The following SFRP1 variants were observed in gnomAD, a reference collection of about 807,000 sequenced individuals.
SFRP1 encodes the protein secreted frizzled related protein 1.
In SFRP1, 9 loss-of-function variants were observed where a neutral mutation model predicts 25.9. That is an observed-to-expected ratio of 0.35 (90% CI 0.21 to 0.61). The LOEUF (loss-of-function observed/expected upper bound fraction) is 0.61. SFRP1 is among the 20% of genes least tolerant of loss of function. SFRP1 has a pLI of 0.78. For missense variants in SFRP1, 346 were observed against 418.2 expected (o/e 0.83, Z 1.51); for synonymous variants, 178 against 174.0 (o/e 1.02, Z -0.18).
chr8:41,290,217 A>G (rs761914404), intron 2 of SFRP1, among the ~76,000 whole-genome samples: 5 of 152,230 alleles, frequency 3.3e-5, no homozygotes, highest in Admixed American at 1.3e-4. Context: ...ACAGACACCC[A>G]TATCTCGCAG....
chr8:41,275,976 G>T (rs1311284396), intron 2 of SFRP1, among the ~76,000 whole-genome samples: 1 of 152,158 alleles, frequency 6.6e-6, no homozygotes, highest in Non-Finnish European at 1.5e-5. Flanking sequence ...TCGAACTCCT[G>T]AGCTCAAGTG....
chr8:41,264,161 T>G lies in SFRP1; in HGVS notation c.*1006A>C, dbSNP rs1803406455. The G allele has an allele frequency of 6.6e-6, 1 of 152,214 alleles. No homozygotes were observed. The highest frequency in any genetic ancestry group is 1.5e-5 in the Non-Finnish European group (1 of 68,030). 9.4% of individuals were successfully genotyped at this position (152,214 alleles called of 1,614,324 possible). On this transcript the variant is annotated 3_prime_UTR_variant, in exon 3 of 3. Transcript: ENST00000220772. ...TAGCACACCTTTCAAATGCTCAATGTAGACTGTTTTAAAACCTTGAAAAAT... is the reference window on the plus strand; with the variant it reads ...TAGCACACCTTTCAAATGCTCAATGGAGACTGTTTTAAAACCTTGAAAAAT...
chr8:41,290,524 G>A (rs1379462310), intron 2 of SFRP1, among the ~76,000 whole-genome samples: 2 of 152,224 alleles, frequency 1.3e-5, no homozygotes, highest in Non-Finnish European at 2.9e-5. Flanking sequence ...GCTCTGCGGT[G>A]ACCTAAGTAT....
chr8:41,264,225 AGG>A lies in SFRP1; in HGVS notation c.*940_*941del, dbSNP rs1157525033. On this transcript the variant is annotated 3_prime_UTR_variant, in exon 3 of 3. Transcript: ENST00000220772. The stretch of plus-strand genomic sequence containing the variant: ...TCATTGTTCTTTTAAAAATGTGAAA[AGG>A]AAAAAACATGAGATTAGAATCCTAA... The A allele has an allele frequency of 4.6e-5, 7 of 152,352 alleles. No individual in the cohort carries two copies. Among genetic ancestry groups the A allele is most frequent in the African/African-American group, 1.4e-4 (6 of 41,584 alleles). 9.4% of individuals were successfully genotyped at this position (152,352 alleles called of 1,614,324 possible). A position where few individuals can be genotyped will look rare whatever the true frequency, so the allele number is the denominator to read the frequency against.
chr8:41,266,402 A>G (rs1029530184), intron 2 of SFRP1, among the ~76,000 whole-genome samples: 2 of 152,184 alleles, frequency 1.3e-5, no homozygotes, highest in Non-Finnish European at 2.9e-5. Context: ...TGATCTCATC[A>G]TTCAAAGACA....
chr8:41,285,580 A>C (rs1249206925), intron 2 of SFRP1, among the ~76,000 whole-genome samples: 1 of 152,226 alleles, frequency 6.6e-6, no homozygotes, highest in Non-Finnish European at 1.5e-5. Context: ...GTAAGGCAGG[A>C]AAGCCGGGAG....
chr8:41,299,030 A>C (rs1267542046), intron 2 of SFRP1, among the ~76,000 whole-genome samples: 1 of 152,170 alleles, frequency 6.6e-6, no homozygotes, highest in Non-Finnish European at 1.5e-5. Flanking sequence ...GACATGATGC[A>C]TAACACATAA....
intron 2 of SFRP1, among the ~76,000 whole-genome samples, chr8:41,298,950 T>C (rs896470014): frequency 6.6e-6 from 1 of 152,068 alleles, no homozygotes; most frequent in Non-Finnish European, 1.5e-5. Context: ...AAAATAAAGG[T>C]GAACTTGAGG....
At chr8:41,271,607 C>T (rs1803508643) in intron 2 of SFRP1, 1 of 153,070 alleles carries the variant, frequency 6.5e-6, no homozygotes, top group African/African-American at 2.4e-5. Context: ...AGGCATCCAC[C>T]AAGTGAAAGA....
At chr8:41,278,687 C>G (rs1011203317) in intron 2 of SFRP1, among the ~76,000 whole-genome samples, 6 of 152,228 alleles carry the variant, frequency 3.9e-5, no homozygotes, top group African/African-American at 1.4e-4. Flanking sequence ...AGCACAAGAG[C>G]ACCATCTTGG....
intron 1 of SFRP1, chr8:41,306,708 G>C (rs1181144127): frequency 5.0e-6 from 8 of 1,597,046 alleles, no homozygotes; most frequent in Non-Finnish European, 5.9e-6. Context: ...GACCTGTCTT[G>C]GGAGGGTGAC....
At chr8:41,299,644 T>A (rs1803890286) in intron 2 of SFRP1, among the ~76,000 whole-genome samples, 1 of 120,064 alleles carries the variant, frequency 8.3e-6, no homozygotes, top group Admixed American at 1.0e-4. Context: ...CCAGCCCAGG[T>A]AGAGCGAGAC....
intron 2 of SFRP1, among the ~76,000 whole-genome samples, chr8:41,279,923 T>C (rs11774662): frequency 0.3 from 45,062 of 152,176 alleles, 7,433 homozygotes; most frequent in Middle Eastern, 0.39. Flanking sequence ...TTTCTGACCC[T>C]ACCTATTTAT....
chr8:41,287,746 T>C (rs1585514341), intron 2 of SFRP1, among the ~76,000 whole-genome samples: 1 of 152,228 alleles, frequency 6.6e-6, no homozygotes, highest in East Asian at 1.9e-4. Context: ...CTGGCTTCAA[T>C]TTGGTATATC....
intron 2 of SFRP1, among the ~76,000 whole-genome samples, chr8:41,272,976 G>A (rs1469285967): frequency 1.3e-5 from 2 of 152,158 alleles, no homozygotes; most frequent in Admixed American, 6.5e-5. Context: ...CAGTTGCACT[G>A]GATTTATCAA....
chr8:41,267,516 C>T (rs1388524162), intron 2 of SFRP1, among the ~76,000 whole-genome samples: 2 of 152,104 alleles, frequency 1.3e-5, no homozygotes, highest in African/African-American at 2.4e-5. Context: ...AATTACCAAG[C>T]CCCCTCTTTT....
At chr8:41,303,415 C>T in intron 2 of SFRP1, 46 bp downstream of exon 2, 1 of 1,415,686 alleles carries the variant, frequency 7.1e-7, no homozygotes, top group African/African-American at 1.4e-5. Context: ...AGGCACAGAC[C>T]AGGAGGTTCC....
chr8:41,307,138 T>A, intron 1 of SFRP1: 1 of 790,886 alleles, frequency 1.3e-6, no homozygotes, highest in South Asian at 2.2e-5. Context: ...AGGGGATGGG[T>A]GCAAGCCAAC....
Position 41,265,243 on chromosome 8 carries a change from T to C in SFRP1, c.869A>G (p.Lys290Arg), listed in dbSNP as rs1386818382. 3 of 1,614,044 alleles carry C rather than the reference T, an allele frequency of 1.9e-6. No homozygotes were observed. Among genetic ancestry groups the C allele is most frequent in the African/African-American group, 1.3e-5 (1 of 74,914 alleles). ...LLTAIHKWDK[K>R]NKEFKNFMKK... ...CATGAAGTTTTTGAACTCCTTGTTTTTCTTGTCCCACTTGTGGATGGCCGT... is the reference window on the plus strand; with the variant it reads ...CATGAAGTTTTTGAACTCCTTGTTTCTCTTGTCCCACTTGTGGATGGCCGT... Residue 290 changes from lysine (K) to arginine (R), a missense_variant, in exon 3 of 3, where the codon AAA becomes AGA. Lys to Arg is a conservative substitution (Grantham distance 26). Transcript: ENST00000220772.
Sources: allele counts gnomAD v4.1 joint callset (sites outside exome capture counted in the v4.1 genomes callset), GRCh38; gene constraint gnomAD v4.1.1; transcripts MANE v1.5; gene names NCBI Gene and HGNC (gene_info 2026-07-23, HGNC 2026-07-21).